Variants in TMEM114 observed in about 807,000 individuals in gnomAD.
The protein encoded by TMEM114 is transmembrane protein 114, also known as claudin-26.
In TMEM114, 6 loss-of-function variants were observed where a neutral mutation model predicts 6.2. That is an observed-to-expected ratio of 0.97 (90% CI 0.53 to 1.91). TMEM114 has a LOEUF of 1.91. TMEM114 is among the 40% of genes most tolerant of loss of function. The pLI is 0.01. For synonymous variants in TMEM114, 104 were observed against 73.0 expected, an observed-to-expected ratio of 1.42 and a Z score of -2.16; for missense variants, 218 against 158.3, an observed-to-expected ratio of 1.38 and a Z score of -2.02.
chr16:8,550,885 C>T (rs1276691980), intron 2 of TMEM114, among the ~76,000 whole-genome samples: 7 of 152,294 alleles, frequency 4.6e-5, no homozygotes, highest in Non-Finnish European at 1.0e-4. Flanking sequence ...CCACTGCTCT[C>T]CTCCTGAGAG....
At chr16:8,576,748 AAGG>A (rs1240887709) in intron 2 of TMEM114, among the ~76,000 whole-genome samples, 6 of 151,368 alleles carry the variant, frequency 4.0e-5, no homozygotes, top group African/African-American at 1.5e-4. Flanking sequence ...GGAAGGAAGG[AAGG>A]AAGGAAGGAA....
rs942570573 is a variant in TMEM114, at chr16:8,583,747, CA to C, written c.301+5465del. Among the ~76,000 whole-genome samples the C allele has an allele frequency of 6.6e-3, 909 of 138,102 alleles. 6 individuals carry two copies. Among genetic ancestry groups the C allele is most frequent in the South Asian group, 0.034 (148 of 4,378 alleles). The allele number at this position is 138,102 out of a possible 152,430, so 90.6% of individuals were successfully genotyped here. A position where few individuals can be genotyped will look rare whatever the true frequency, so the allele number is the denominator to read the frequency against. On this transcript the variant is annotated intron_variant, in intron 2 of 3. Coordinates refer to ENST00000620492, the MANE Select transcript of TMEM114 (RefSeq NM_001146336.2). ...TGGGCAACAGAGCAAGACCATGTCT[CA>C]AAAAAAAAAAAAGTCACACAGCTAG...
chr16:8,580,414 G>A (rs1269395099), intron 2 of TMEM114, among the ~76,000 whole-genome samples: 2 of 151,402 alleles, frequency 1.3e-5, no homozygotes, highest in African/African-American at 4.9e-5. Context: ...TTGAACCTGG[G>A]AGGCGGAGGC....
chr16:8,551,558 G>T (rs919393006), intron 2 of TMEM114, among the ~76,000 whole-genome samples: 9 of 152,212 alleles, frequency 5.9e-5, no homozygotes, highest in South Asian at 2.1e-4. Flanking sequence ...AAAGCAAAGA[G>T]AGAAAGTCCA....
In TMEM114 at chr16:8,549,265, C is replaced by G. The variant is rs529165784; in HGVS notation, n.213-11439G>C. The stretch of plus-strand genomic sequence containing the variant: ...CTATAATCCTAGCACTTTGGGAGGC[C>G]AAGGTGGGTGGATCACCTGAGGTCA... On this transcript the variant is annotated intron_variant and non_coding_transcript_variant, in intron 2 of 2. Coordinates refer to the TMEM114 transcript ENST00000623677. 8.6e-5 allele frequency among the ~76,000 whole-genome samples: 13 copies of G among 150,634 alleles called. No homozygotes were observed. The East Asian group carries it at 2.2e-3, about 25-fold the overall frequency.
chr16:8,571,986 G>C, intron 3 of TMEM114, 101 bp downstream of exon 3: 1 of 1,362,140 alleles, frequency 7.3e-7, no homozygotes, highest in East Asian at 2.7e-5. Flanking sequence ...TGAACCCCAC[G>C]AGGCCCTGGG....
chr16:8,560,498 GC>G (rs1329975730), intron 2 of TMEM114, among the ~76,000 whole-genome samples: 1 of 152,178 alleles, frequency 6.6e-6, no homozygotes, highest in Non-Finnish European at 1.5e-5. Context: ...GCGACTAGGG[GC>G]TGGGCACAGA....
In TMEM114 at chr16:8,552,511, C is replaced by T. The variant is rs909671190; in HGVS notation, n.213-14685G>A. Reference sequence around the variant, plus strand: ...TAGCAGAAATTTGCACAAAACTGCACACACACACACACACACACAAAGATA... The same window carrying T: ...TAGCAGAAATTTGCACAAAACTGCATACACACACACACACACACAAAGATA... On this transcript the variant is annotated intron_variant and non_coding_transcript_variant, in intron 2 of 2. Transcript: ENST00000623677. Among the ~76,000 whole-genome samples the T allele has an allele frequency of 2.4e-3, 368 of 150,992 alleles. 1 individual carries two copies. The highest frequency in any genetic ancestry group is 8.5e-3 in the East Asian group (44 of 5,170).
intron 2 of TMEM114, among the ~76,000 whole-genome samples, chr16:8,562,439 A>C (rs1279524733): frequency 6.6e-6 from 1 of 151,590 alleles, no homozygotes; most frequent in East Asian, 1.9e-4. Context: ...TGAGTGAGTG[A>C]ATGAGTGAAT....
At chr16:8,570,916 T>A (rs910592867) in intron 3 of TMEM114, among the ~76,000 whole-genome samples, 14 of 152,212 alleles carry the variant, frequency 9.2e-5, no homozygotes, top group African/African-American at 3.1e-4. Flanking sequence ...CGGCATGGAT[T>A]AGGGAACTTC....
chr16:8,539,193 A>G (rs763206091), intron 2 of TMEM114, among the ~76,000 whole-genome samples: 1 of 152,110 alleles, frequency 6.6e-6, no homozygotes, highest in Non-Finnish European at 1.5e-5. Flanking sequence ...GCGGTGCTGA[A>G]TAAACGTTTG....
chr16:8,562,276 ATGAGTGAG>A (rs144073898), intron 2 of TMEM114, among the ~76,000 whole-genome samples: 1 of 129,794 alleles, frequency 7.7e-6, no homozygotes, highest in African/African-American at 2.9e-5. Context: ...GAGGGAGGGA[ATGAGTGAG>A]TGAGTGAGTG....
chr16:8,550,740 CCTAA>C (rs1037331148), intron 2 of TMEM114, among the ~76,000 whole-genome samples: 53 of 151,982 alleles, frequency 3.5e-4, no homozygotes, highest in African/African-American at 1.2e-3. Context: ...ACTGGTCCCT[CCTAA>C]CACTCCAGCT....
chr16:8,557,542 T>C (rs1451534616), intron 2 of TMEM114, among the ~76,000 whole-genome samples: 1 of 152,162 alleles, frequency 6.6e-6, no homozygotes, highest in Non-Finnish European at 1.5e-5. Context: ...CCACAAGCAA[T>C]ATACAAGGGT....
At chr16:8,543,434 T>G (rs1291329704) in intron 2 of TMEM114, among the ~76,000 whole-genome samples, 1 of 151,434 alleles carries the variant, frequency 6.6e-6, no homozygotes, top group East Asian at 1.9e-4. Context: ...CCAGTGTGAC[T>G]GAGTCACTTG....
intron 2 of TMEM114, among the ~76,000 whole-genome samples, chr16:8,586,884 A>T (rs1227775552): frequency 6.6e-6 from 1 of 152,178 alleles, no homozygotes; most frequent in Non-Finnish European, 1.5e-5. Context: ...GGCTCAGAAC[A>T]GAGCACACGG....
the TMEM114 span, among the ~76,000 whole-genome samples, chr16:8,530,591 CAGGA>C: frequency 6.0e-5 from 9 of 149,618 alleles, no homozygotes; most frequent in African/African-American, 1.7e-4. Context: ...AGAAAGAAAG[CAGGA>C]AGGAAGGAAG....
chr16:8,547,605 C>G (rs1596469464), intron 2 of TMEM114, among the ~76,000 whole-genome samples: 1 of 152,078 alleles, frequency 6.6e-6, no homozygotes, highest in Non-Finnish European at 1.5e-5. Flanking sequence ...CTTGGCCAGA[C>G]TGGTCTTGAA....
intron 2 of TMEM114, among the ~76,000 whole-genome samples, chr16:8,552,295 C>A (rs1438384621): frequency 6.6e-6 from 1 of 151,860 alleles, no homozygotes; most frequent in Non-Finnish European, 1.5e-5. Flanking sequence ...AAGGTGGGAG[C>A]ATCACTTGAA....
Sources: gnomAD v4.1 joint callset for allele counts (sites outside exome capture counted in the v4.1 genomes callset) on GRCh38, gnomAD v4.1.1 for gene constraint, MANE v1.5 for transcripts, NCBI Gene and HGNC (gene_info 2026-07-23, HGNC 2026-07-21) for gene names.